The following RGS12 variants were observed in gnomAD, a reference collection of about 807,000 sequenced individuals.
RGS12 encodes regulator of G-protein signaling 12.
Under a neutral mutation model 120.1 loss-of-function variants are expected in RGS12, and 66 were observed. The ratio of observed to expected loss-of-function variants is 0.55; its 90% CI spans 0.45 to 0.67. The LOEUF (loss-of-function observed/expected upper bound fraction) is 0.67. Among genes scored for constraint, RGS12 ranks in the 30% least tolerant of loss-of-function variants. The pLI, the probability that RGS12 is intolerant of heterozygous loss-of-function variation, is 0.00. For missense variants in RGS12, 1,859 were observed against 1,957.7 expected (o/e 0.95, Z 0.95); for synonymous variants, 827 against 804.7 (o/e 1.03, Z -0.47).
intron 3 of RGS12, among the ~76,000 whole-genome samples, chr4:3,376,790 AC>A (rs1339867796): frequency 2.6e-5 from 4 of 152,174 alleles, no homozygotes; most frequent in African/African-American, 9.7e-5. Flanking sequence ...GCAGTGAGCC[AC>A]TAAGCCAGGG....
chr4:3,310,109 G>A, intron 1 of RGS12, among the ~76,000 whole-genome samples: 1 of 146,784 alleles, frequency 6.8e-6, no homozygotes, highest in Non-Finnish European at 1.5e-5. Flanking sequence ...GTCCTCTGAG[G>A]AGAGCTGAGC....
At chr4:3,322,137 C>T (rs191718453) in intron 2 of RGS12, among the ~76,000 whole-genome samples, 8 of 152,178 alleles carry the variant, frequency 5.3e-5, no homozygotes, top group East Asian at 1.9e-4. Context: ...TGGGGACCAG[C>T]GAGCCAGACC....
At chr4:3,430,042 G>A (rs762144748) in intron 16 of RGS12, among the ~76,000 whole-genome samples, 10 of 152,212 alleles carry the variant, frequency 6.6e-5, no homozygotes, top group Non-Finnish European at 1.5e-4. Context: ...AGTCCTCAGA[G>A]GGCCCCAAGT....
At chr4:3,378,772 TAGG>T (rs1717950855) in intron 3 of RGS12, among the ~76,000 whole-genome samples, 2 of 152,302 alleles carry the variant, frequency 1.3e-5, no homozygotes, top group East Asian at 3.9e-4. Context: ...TGGGTGAGGA[TAGG>T]AGAAGAGGGA....
intron 3 of RGS12, among the ~76,000 whole-genome samples, chr4:3,355,813 A>C (rs1445684873): frequency 1.3e-5 from 2 of 151,186 alleles, no homozygotes; most frequent in African/African-American, 4.8e-5. Flanking sequence ...AAAAAAAAAA[A>C]AAAGGAAAAA....
rs778216729 is a variant in RGS12 at position 3,317,301 on chromosome 4, G to A, written c.1131G>A (p.Ala377=). Residue 377 remains alanine, a synonymous_variant, in exon 2 of 18, where the codon GCG becomes GCA. Coordinates refer to ENST00000336727, the MANE Select transcript of RGS12 (RefSeq NM_001394154.1). ...CCAATGGCTGTCTGGAATTCCCGGC[G>A]TCCTCCCTCCCCGTCCTGCAGTTCA... is the stretch of plus-strand genomic sequence containing the variant. ...PDTNGCLEFP[A]SSLPVLQFIS... is the part of the protein sequence containing the mutation. 4.3e-5 allele frequency: 70 copies of A among 1,614,008 alleles called. No homozygotes were observed. The highest frequency in any genetic ancestry group is 1.6e-4 in the Middle Eastern group (1 of 6,084).
At position 3,316,918 on chromosome 4, in the gene RGS12, G is replaced by A. The variant is rs370480649; in HGVS notation, c.748G>A (p.Asp250Asn). The A allele has an allele frequency of 5.0e-6, 8 of 1,613,950 alleles. No homozygotes were observed. Among genetic ancestry groups the A allele is most frequent in the African/African-American group, 4.0e-5 (3 of 75,064 alleles). ...TTCCACGAGCTCCAACCTGGAGTCC[G>A]ACAGCTTGCAAGCCATCCGCGGCTG... ...LPSTSSNLES[D>N]SLQAIRGCMR... Residue 250 changes from aspartate to asparagine, a missense_variant, in exon 2 of 18, where the codon GAC becomes AAC. Around this residue, in one of 3 missense-constraint regions of RGS12, gnomAD observed 967 missense variants for 994.2 expected, o/e 0.97. Transcript: ENST00000336727.
intron 3 of RGS12, 54 bp downstream of exon 3, chr4:3,343,107 G>GGTGGACTTGCATTT: frequency 4.5e-6 from 6 of 1,346,418 alleles, no homozygotes; most frequent in Non-Finnish European, 6.4e-6. Flanking sequence ...AAAAATGCAA[G>GGTGGACTTGCATTT]TCCACCTTGC....
chr4:3,365,535 T>C lies in RGS12; in HGVS notation c.1999-20881T>C, dbSNP rs1409105871. Among the ~76,000 whole-genome samples the C allele has an allele frequency of 6.6e-6, 1 of 152,148 alleles. No individual in the cohort carries two copies. Among genetic ancestry groups the C allele is most frequent in the African/African-American group, 2.4e-5 (1 of 41,416 alleles). ...ATCCCAGCAAAAACCGACGGAGCCC[T>C]GAGTCCGACCTAAGCCTTAGTGTGA... On this transcript the variant is annotated intron_variant, in intron 3 of 17. Coordinates refer to ENST00000336727, the MANE Select transcript of RGS12 (RefSeq NM_001394154.1). This position sits in a 1 kb window ranked among gnomAD's most constrained non-coding sequence, Gnocchi z 4.0.
At chr4:3,356,538 C>T (rs925677049) in intron 3 of RGS12, among the ~76,000 whole-genome samples, 2 of 151,942 alleles carry the variant, frequency 1.3e-5, no homozygotes, top group African/African-American at 4.8e-5. Context: ...CCCCATTCCC[C>T]CCACCCCCAA....
chr4:3,294,111 C>T (rs575706485), intron 1 of RGS12, among the ~76,000 whole-genome samples: 1 of 151,754 alleles, frequency 6.6e-6, no homozygotes, highest in Non-Finnish European at 1.5e-5. Flanking sequence ...GCCTGAGTTT[C>T]CTCATTGGAC....
chr4:3,374,415 C>T lies in RGS12; in HGVS notation c.1999-12001C>T, dbSNP rs1717406283. On this transcript the variant is annotated intron_variant, in intron 3 of 17. Transcript: ENST00000336727. This position sits in a 1 kb window ranked among gnomAD's most constrained non-coding sequence, Gnocchi z 6.3. ...CTTCCACGACAGGCTCGATTCGTCC[C>T]TCGCATGCTGCCCTCCCAGCCTGGC... Among the ~76,000 whole-genome samples the T allele has an allele frequency of 1.3e-5, 2 of 152,194 alleles. No homozygotes were observed. The highest frequency in any genetic ancestry group is 2.1e-4 in the South Asian group (1 of 4,826).
intron 3 of RGS12, among the ~76,000 whole-genome samples, chr4:3,345,121 T>C (rs1331179201): frequency 1.3e-5 from 2 of 152,188 alleles, no homozygotes; most frequent in Non-Finnish European, 2.9e-5. Context: ...ATGAGGAGGA[T>C]CACAGGATTG....
intron 1 of RGS12, among the ~76,000 whole-genome samples, chr4:3,313,987 TTAA>T (rs1285733888): frequency 2.0e-5 from 3 of 151,768 alleles, no homozygotes; most frequent in Non-Finnish European, 4.4e-5. Context: ...TATTTATTTT[TTAA>T]TGATGATTTT....
At chr4:3,402,015 C>A (rs913289577) in intron 4 of RGS12, among the ~76,000 whole-genome samples, 1 of 152,234 alleles carries the variant, frequency 6.6e-6, no homozygotes, top group African/African-American at 2.4e-5. Context: ...GGGGCCAGAC[C>A]ACAGGCAGCA....
upstream of RGS12, among the ~76,000 whole-genome samples, chr4:3,291,169 C>T (rs1158171708): frequency 2.0e-5 from 3 of 152,160 alleles, no homozygotes; most frequent in African/African-American, 7.2e-5. Context: ...GTGGTGTTTC[C>T]CCATCTCTCA....
chr4:3,395,139 G>T (rs1719922898), intron 4 of RGS12, among the ~76,000 whole-genome samples: 1 of 152,014 alleles, frequency 6.6e-6, no homozygotes, highest in Admixed American at 6.5e-5. Flanking sequence ...GTTATAGTAG[G>T]CAGAGGTTGC....
chr4:3,317,111 TG>T lies in RGS12; in HGVS notation c.943del (p.Val315LeufsTer82). On this transcript the variant is annotated frameshift_variant, in exon 2 of 18. Coordinates refer to ENST00000336727, the MANE Select transcript of RGS12 (RefSeq NM_001394154.1). LOFTEE classifies it high-confidence loss of function. Reference protein sequence around the residue: ...VCPDDRRFFGLVTMQTNDDGS... With the variant: ...VCPDDRRFFGXVTMQTNDDGS... ...CCGGACGACCGGCGATTTTTCGGGT[TG>T]GTTACCATGCAGACGAATGACGACG... 1 of 1,613,812 alleles carries T rather than the reference TG, an allele frequency of 6.2e-7. No individual in the cohort carries two copies. Among genetic ancestry groups the T allele is most frequent in the Non-Finnish European group, 8.5e-7 (1 of 1,180,032 alleles).
In RGS12 at chr4:3,316,268, G is replaced by T; in HGVS notation, c.98G>T (p.Gly33Val). Reference sequence around the variant, plus strand: ...GTTGCCCGGGGGAGGGCCGGCTACGGATTCACGCTTTCGGGACAGGCACCC... The same window carrying T: ...GTTGCCCGGGGGAGGGCCGGCTACGTATTCACGCTTTCGGGACAGGCACCC... ...VEVARGRAGY[G>V]FTLSGQAPCV... Residue 33 changes from glycine to valine, a missense_variant, in exon 2 of 18, where the codon GGA becomes GTA. This residue lies in a region of RGS12 where 967 missense variants were observed against 994.2 expected (regional missense o/e 0.97). Transcript: ENST00000336727. 6.2e-7 allele frequency: 1 copy of T among 1,613,892 alleles called. No homozygotes were observed. The highest frequency in any genetic ancestry group is 8.5e-7 in the Non-Finnish European group (1 of 1,179,858).
Sources: allele counts gnomAD v4.1 joint callset (sites outside exome capture counted in the v4.1 genomes callset), GRCh38; gene constraint gnomAD v4.1.1; regional missense constraint gnomAD v4.1.1; non-coding constraint Gnocchi (gnomAD v3.1); transcripts MANE v1.5; gene names NCBI Gene and HGNC (gene_info 2026-07-23, HGNC 2026-07-21).